The following UNC13C variants were observed in gnomAD, a reference collection of about 807,000 sequenced individuals.
UNC13C encodes the protein unc-13 homolog C.
In UNC13C, 174 loss-of-function variants were observed where a neutral mutation model predicts 245.4. That is an observed-to-expected ratio of 0.71 (90% CI 0.63 to 0.80). The LOEUF (loss-of-function observed/expected upper bound fraction) is 0.80. Among genes scored for constraint, UNC13C ranks in the 30% least tolerant of loss-of-function variants. UNC13C has a pLI of 0.00. For missense variants in UNC13C, 2,829 were observed against 2,602.9 expected, an observed-to-expected ratio of 1.09 and a Z score of -1.89; for synonymous variants, 992 against 895.1, an observed-to-expected ratio of 1.11 and a Z score of -1.93.
chr15:54,071,425 A>C (rs1327481682), intron 2 of UNC13C, among the ~76,000 whole-genome samples: 1 of 152,198 alleles, frequency 6.6e-6, no homozygotes, highest in South Asian at 2.1e-4. Flanking sequence ...ATTTTTGTGT[A>C]AAATATGCAT....
chr15:54,610,063 G>T (rs1436555486), intron 30 of UNC13C, among the ~76,000 whole-genome samples: 1 of 152,122 alleles, frequency 6.6e-6, no homozygotes, highest in African/African-American at 2.4e-5. Flanking sequence ...AATTCAAGAT[G>T]AGATTTGGGT....
intron 17 of UNC13C, among the ~76,000 whole-genome samples, chr15:54,366,383 T>C (rs1240013852): frequency 1.3e-5 from 2 of 152,178 alleles, no homozygotes; most frequent in Non-Finnish European, 2.9e-5. Flanking sequence ...GTACTTTGCC[T>C]GAGATTCATT....
chr15:53,939,738 A>G, the UNC13C span, among the ~76,000 whole-genome samples: 1 of 152,228 alleles, frequency 6.6e-6, no homozygotes, highest in African/African-American at 2.4e-5. Context: ...AACAAAAACC[A>G]CACAATTAGC....
intron 8 of UNC13C, among the ~76,000 whole-genome samples, chr15:54,255,968 G>A (rs1367691463): frequency 6.6e-6 from 1 of 152,202 alleles, no homozygotes; most frequent in Non-Finnish European, 1.5e-5. Flanking sequence ...GAGAGACTAA[G>A]AGGATGAATA....
At chr15:54,360,838 T>C (rs1054425714) in intron 17 of UNC13C, among the ~76,000 whole-genome samples, 1 of 152,162 alleles carries the variant, frequency 6.6e-6, no homozygotes, top group African/African-American at 2.4e-5. Flanking sequence ...GAAAGGTGTA[T>C]TGGGGCTGTG....
intron 17 of UNC13C, among the ~76,000 whole-genome samples, chr15:54,350,862 A>G (rs1165660396): frequency 3.3e-5 from 5 of 152,244 alleles, no homozygotes; most frequent in Non-Finnish European, 4.4e-5. Flanking sequence ...TTCCTTCACA[A>G]ATGGTGATAG....
chr15:54,625,687 A>T (rs889016664), intron 32 of UNC13C, among the ~76,000 whole-genome samples: 6 of 152,118 alleles, frequency 3.9e-5, no homozygotes, highest in Non-Finnish European at 5.9e-5. Context: ...TCTGCTCTGA[A>T]TATTTCACCC....
intron 4 of UNC13C, among the ~76,000 whole-genome samples, chr15:54,183,588 G>T (rs973418217): frequency 6.6e-6 from 1 of 151,920 alleles, no homozygotes; most frequent in Non-Finnish European, 1.5e-5. Flanking sequence ...GTGTTAAAAT[G>T]TCCAAAAGAA....
At chr15:54,440,631 T>A (rs1217868821) in intron 19 of UNC13C, among the ~76,000 whole-genome samples, 2 of 152,046 alleles carry the variant, frequency 1.3e-5, no homozygotes, top group Non-Finnish European at 2.9e-5. Flanking sequence ...GCTGTAGATA[T>A]CTCTTTGATG....
chr15:54,581,126 T>C (rs772655865), intron 30 of UNC13C, among the ~76,000 whole-genome samples: 2 of 152,152 alleles, frequency 1.3e-5, no homozygotes, highest in Admixed American at 1.3e-4. Flanking sequence ...GAGTAGAGGC[T>C]TTCAGAAGGG....
At chr15:53,896,491 A>G in the UNC13C span, among the ~76,000 whole-genome samples, 1 of 152,080 alleles carries the variant, frequency 6.6e-6, no homozygotes, top group Non-Finnish European at 1.5e-5. Flanking sequence ...AATGTTGGAT[A>G]TTAGTATGAG....
At chr15:53,837,727 A>G in the UNC13C span, among the ~76,000 whole-genome samples, 1 of 152,194 alleles carries the variant, frequency 6.6e-6, no homozygotes, top group Non-Finnish European at 1.5e-5. Context: ...ACTGGAATTG[A>G]TTTCTTGTGT....
intron 12 of UNC13C, 78 bp from the exon 13 acceptor site, chr15:54,300,132 T>G: frequency 7.2e-7 from 1 of 1,391,176 alleles, no homozygotes. Context: ...TGCAAGAGCA[T>G]TTTACTGGAA....
chr15:53,959,668 T>A, the UNC13C span, among the ~76,000 whole-genome samples: 12 of 152,304 alleles, frequency 7.9e-5, no homozygotes, highest in Non-Finnish European at 1.3e-4. Flanking sequence ...GCACTTCTAC[T>A]TGATAGAGAT....
intron 13 of UNC13C, among the ~76,000 whole-genome samples, chr15:54,306,640 A>C (rs766291472): frequency 3.3e-5 from 5 of 152,012 alleles, no homozygotes; most frequent in Admixed American, 6.6e-5. Context: ...TTCTGTCAAG[A>C]AAATACATTT....
chr15:53,896,764 A>C, the UNC13C span, among the ~76,000 whole-genome samples: 2 of 152,130 alleles, frequency 1.3e-5, no homozygotes, highest in African/African-American at 4.8e-5. Context: ...TGTGGGGACT[A>C]TCCCATATTC....
chr15:54,111,381 C>CT (rs1373232653), intron 2 of UNC13C, among the ~76,000 whole-genome samples: 3 of 152,162 alleles, frequency 2.0e-5, no homozygotes, highest in African/African-American at 7.2e-5. Context: ...GTTCATCCTT[C>CT]TTTTTTAGAG....
At chr15:54,321,060 G>A (rs77215967) in intron 13 of UNC13C, 25 of 473,722 alleles carry the variant, frequency 5.3e-5, no homozygotes, top group Middle Eastern at 7.8e-4. Context: ...CCCCGAAACC[G>A]CCTCCATGGC....
At chr15:54,434,853 T>C (rs1057225828) in intron 19 of UNC13C, among the ~76,000 whole-genome samples, 23 of 152,014 alleles carry the variant, frequency 1.5e-4, no homozygotes, top group East Asian at 1.9e-4. Context: ...AGGGCTAATA[T>C]CCAGAAACCG....
Sources: gnomAD v4.1 joint callset for allele counts (sites outside exome capture counted in the v4.1 genomes callset) on GRCh38, gnomAD v4.1.1 for gene constraint, MANE v1.5 for transcripts, NCBI Gene and HGNC (gene_info 2026-07-23, HGNC 2026-07-21) for gene names.